FRYL: variants seen among roughly 807,000 people sequenced by gnomAD.
FRYL encodes the protein protein furry homolog-like.
In FRYL, 150 loss-of-function variants were observed where a neutral mutation model predicts 351.2. The observed-to-expected ratio is 0.43, with a 90% CI of 0.37 to 0.49. The LOEUF (loss-of-function observed/expected upper bound fraction) is 0.49, where lower values mean the gene tolerates loss of function less well. Among genes scored for constraint, FRYL ranks in the 20% least tolerant of loss-of-function variants. The probability of loss-of-function intolerance (pLI) is 0.00; values close to 1 mark genes in which losing one functional copy is unlikely to be tolerated. For missense variants in FRYL, 3,036 were observed against 3,619.3 expected (o/e 0.84, Z 4.13); for synonymous variants, 1,153 against 1,257.1 (o/e 0.92, Z 1.75).
intron 1 of FRYL, among the ~76,000 whole-genome samples, chr4:48,723,079 C>G (rs1158398197): frequency 2.0e-5 from 3 of 152,008 alleles, no homozygotes; most frequent in Non-Finnish European, 4.4e-5. Flanking sequence ...TCAAACCTAA[C>G]AGGTTTTTTT....
chr4:48,592,387 C>G (rs907406122), intron 16 of FRYL, among the ~76,000 whole-genome samples: 2 of 151,868 alleles, frequency 1.3e-5, no homozygotes, highest in African/African-American at 2.4e-5. Flanking sequence ...AAAGAAAATA[C>G]AGATCCAAGA....
At chr4:48,689,248 C>G (rs1765467156) in intron 2 of FRYL, among the ~76,000 whole-genome samples, 1 of 152,162 alleles carries the variant, frequency 6.6e-6, no homozygotes, top group Non-Finnish European at 1.5e-5. Context: ...TTTCCATTCA[C>G]AATTTTAAGA....
chr4:48,499,387 T>A lies in FRYL; in HGVS notation c.*35A>T, dbSNP rs1214933353. The A allele has an allele frequency of 1.9e-6, 3 of 1,597,230 alleles. No individual in the cohort carries two copies. In the African/African-American group the frequency reaches 4.0e-5, roughly 21 times the overall value. On this transcript the variant is annotated 3_prime_UTR_variant, in exon 64 of 64. Transcript: ENST00000358350. ...GCTTGGTTAATATTCTTCATCATCT[T>A]CAGTTTAGTTTCTTTCCTAAAGGCC...
chr4:48,609,036 T>C lies in FRYL; in HGVS notation c.523A>G (p.Ile175Val). The C allele has an allele frequency of 6.2e-6, 10 of 1,609,254 alleles. No homozygotes were observed. Among genetic ancestry groups the C allele is most frequent in the Non-Finnish European group, 8.5e-6 (10 of 1,176,098 alleles). ...YSGTNTGNVH[I>V]IADLYAEVIG... ...ACCTCTGCATATAAATCAGCAATAA[T>C]ATGCACATTCCCAGTGTTGGTTCCT... is the stretch of plus-strand genomic sequence containing the variant. Residue 175 changes from isoleucine (I) to valine (V), a missense_variant, in exon 9 of 64, where the codon ATT (isoleucine) becomes GTT (valine). Physicochemically the swap from Ile to Val is conservative, Grantham distance 29. Around this residue, in one of 7 missense-constraint regions of FRYL, gnomAD observed 457 missense variants for 566.6 expected, o/e 0.81. Transcript: ENST00000358350.
intron 2 of FRYL, among the ~76,000 whole-genome samples, chr4:48,690,159 C>T (rs929606131): frequency 6.6e-6 from 1 of 151,940 alleles, no homozygotes; most frequent in African/African-American, 2.4e-5. Context: ...CCTGCCTCGG[C>T]CTCCCAAAGT....
At chr4:48,645,059 A>T (rs1366950471) in intron 3 of FRYL, among the ~76,000 whole-genome samples, 1 of 148,054 alleles carries the variant, frequency 6.8e-6, no homozygotes, top group Non-Finnish European at 1.5e-5. Flanking sequence ...GCCAACAGGC[A>T]TATGAAAAAA....
intron 33 of FRYL, among the ~76,000 whole-genome samples, chr4:48,560,188 A>G (rs1735153124): frequency 6.6e-6 from 1 of 152,144 alleles, no homozygotes; most frequent in African/African-American, 2.4e-5. Flanking sequence ...GAATCTGGAG[A>G]AAGAAAGGAT....
intron 1 of FRYL, among the ~76,000 whole-genome samples, chr4:48,711,043 C>A (rs1310383775): frequency 6.6e-6 from 1 of 152,216 alleles, no homozygotes; most frequent in African/African-American, 2.4e-5. Flanking sequence ...CATGCTACAA[C>A]ATGGATGAAT....
chr4:48,666,614 A>C (rs748656717), intron 3 of FRYL, among the ~76,000 whole-genome samples: 4 of 152,120 alleles, frequency 2.6e-5, no homozygotes, highest in Non-Finnish European at 5.9e-5. Context: ...AGAAAACCAG[A>C]ATCTATTGTT....
intron 9 of FRYL, 112 bp downstream of exon 9, chr4:48,608,875 T>A (rs1164253963): frequency 1.4e-6 from 1 of 725,498 alleles, no homozygotes; most frequent in African/African-American, 1.8e-5. Flanking sequence ...TGGAGCTGAC[T>A]TAGTGCTATG....
rs746508710 is a variant in FRYL at position 48,557,549 on chromosome 4, A to T, written c.4029T>A (p.Leu1343=). The change falls in exon 34 of 64, where the codon CTT becomes CTA. Residue 1343 remains leucine, a synonymous_variant. Transcript: ENST00000358350. Reference sequence around the variant, plus strand: ...GTAACCAGCGCCTACTAGTCACCATAAGTTCTCGGTCTTTTAAGGAATCAT... The same window carrying T: ...GTAACCAGCGCCTACTAGTCACCATTAGTTCTCGGTCTTTTAAGGAATCAT... ...DEDDSLKDRE[L]MVTSRRWLRG... 5.6e-6 allele frequency: 9 copies of T among 1,613,978 alleles called. No homozygotes were observed. The East Asian group carries it at 2.0e-4, about 36-fold the overall frequency.
chr4:48,772,969 T>A (rs1341964635), intron 1 of FRYL, among the ~76,000 whole-genome samples: 1 of 152,198 alleles, frequency 6.6e-6, no homozygotes, highest in Non-Finnish European at 1.5e-5. Flanking sequence ...AAACGTTCAG[T>A]TGATTCCTCC....
At chr4:48,638,503 T>C (rs1406299249) in intron 3 of FRYL, 1 of 152,188 alleles carries the variant, frequency 6.6e-6, no homozygotes, top group Non-Finnish European at 1.5e-5. Context: ...TTTTACGCTG[T>C]TGGTGGGAGT....
At chr4:48,726,607 G>A (rs1206437757) in intron 1 of FRYL, among the ~76,000 whole-genome samples, 7 of 152,118 alleles carry the variant, frequency 4.6e-5, no homozygotes, top group African/African-American at 1.2e-4. Flanking sequence ...GCTTGAACCC[G>A]GGAAGCAGAG....
Position 48,505,612 on chromosome 4 carries a change from G to C in FRYL, c.8398C>G (p.Leu2800Val), listed in dbSNP as rs759899611. ...CCAAATGTCCTCTTACAATCATCTA[G>C]CCACTAAAAATAAGTAACAGTAACG... is the stretch of plus-strand genomic sequence containing the variant. ...NVKREAAEQW[L>V]DDCKRTFGAK... is the part of the protein sequence containing the mutation. The change falls in exon 60 of 64, where the codon CTA becomes GTA. Residue 2800 changes from leucine to valine, a missense_variant. By Grantham distance (32) the Leu-to-Val change is conservative. Around this residue, in one of 7 missense-constraint regions of FRYL, gnomAD observed 1,987 missense variants for 2,311.7 expected, o/e 0.86. Transcript: ENST00000358350. 5.6e-6 allele frequency: 9 copies of C among 1,601,824 alleles called. No homozygotes were observed. The East Asian group carries it at 2.0e-4, about 36-fold the overall frequency.
chr4:48,693,590 C>A (rs1264935683), intron 2 of FRYL, among the ~76,000 whole-genome samples: 4 of 149,610 alleles, frequency 2.7e-5, no homozygotes, highest in Admixed American at 6.7e-5. Flanking sequence ...TAGCTTCAAC[C>A]GTTGATACAA....
At chr4:48,601,441 A>C (rs571133753) in intron 13 of FRYL, among the ~76,000 whole-genome samples, 6 of 152,326 alleles carry the variant, frequency 3.9e-5, no homozygotes, top group African/African-American at 1.4e-4. Context: ...TGATCCTTCT[A>C]TCTCTCACAG....
At chr4:48,623,241 ATCT>A (rs1464498724) in intron 4 of FRYL, 62 bp from the exon 5 acceptor site, 1 of 930,548 alleles carries the variant, frequency 1.1e-6, no homozygotes. Flanking sequence ...AACATTAGAA[ATCT>A]TCTACATAAT....
chr4:48,779,774 C>T (rs898592837), intron 1 of FRYL, among the ~76,000 whole-genome samples: 16 of 151,990 alleles, frequency 1.1e-4, no homozygotes, highest in African/African-American at 3.4e-4. Flanking sequence ...GGGAAGGGGA[C>T]GTGCGGGAGA....
Sources: allele counts gnomAD v4.1 joint callset (sites outside exome capture counted in the v4.1 genomes callset), GRCh38; gene constraint gnomAD v4.1.1; regional missense constraint gnomAD v4.1.1; transcripts MANE v1.5; gene names NCBI Gene and HGNC (gene_info 2026-07-23, HGNC 2026-07-21).